The following PHACTR1 variants were observed in gnomAD, a reference collection of about 807,000 sequenced individuals.
PHACTR1 encodes the protein phosphatase and actin regulator 1, also known as RPEL repeat containing 1.
A neutral mutation model predicts 69.2 loss-of-function variants in PHACTR1; 16 were observed. The observed-to-expected ratio is 0.23, with a 90% CI of 0.16 to 0.35. The LOEUF (loss-of-function observed/expected upper bound fraction) is 0.35, where lower values mean the gene tolerates loss of function less well. PHACTR1 is among the 10% of genes least tolerant of loss of function. The probability of loss-of-function intolerance (pLI) is 1.00; values close to 1 mark genes in which losing one functional copy is unlikely to be tolerated. For synonymous variants in PHACTR1, 312 were observed against 284.5 expected (o/e 1.10, Z -0.97); for missense variants, 510 against 734.7 (o/e 0.69, Z 3.54).
chr6:13,073,331 A>ATTTTTTTTTTTTTTTTTTTTTTTTTTTTT (rs10664160), intron 5 of PHACTR1, among the ~76,000 whole-genome samples: 1 of 65,672 alleles, frequency 1.5e-5, no homozygotes, highest in African/African-American at 6.8e-5. Context: ...CATTCCATGA[A>ATTTTTTTTTTTTTTTTTTTTTTTTTTTTT]TTTTTTTTTT....
At chr6:12,873,500 C>A (rs1024565829) in intron 4 of PHACTR1, among the ~76,000 whole-genome samples, 5 of 151,564 alleles carry the variant, frequency 3.3e-5, no homozygotes, top group African/African-American at 1.2e-4. Flanking sequence ...CGTTACTGAG[C>A]CTTTAAGTCC....
intron 4 of PHACTR1, among the ~76,000 whole-genome samples, chr6:12,786,904 G>A (rs1023528840): frequency 6.6e-6 from 1 of 152,180 alleles, no homozygotes; most frequent in Non-Finnish European, 1.5e-5. Flanking sequence ...GAAACAGAGA[G>A]CAGCAAGGAC....
chr6:13,206,238 T>C, intron 8 of PHACTR1, 102 bp downstream of exon 8: 1 of 1,184,598 alleles, frequency 8.4e-7, no homozygotes, highest in Non-Finnish European at 1.2e-6. Context: ...CAAGGGGTCA[T>C]CCCCACTGGG....
At chr6:12,931,696 A>G (rs1788892764) in intron 4 of PHACTR1, among the ~76,000 whole-genome samples, 3 of 151,984 alleles carry the variant, frequency 2.0e-5, no homozygotes, top group Admixed American at 2.0e-4. Context: ...TCACACAAAC[A>G]TTCACATAAG....
At chr6:12,785,724 T>G (rs538392786) in intron 4 of PHACTR1, among the ~76,000 whole-genome samples, 7 of 152,370 alleles carry the variant, frequency 4.6e-5, no homozygotes, top group Non-Finnish European at 1.0e-4. Flanking sequence ...CTAACACATT[T>G]TGTTAGAACA....
intron 5 of PHACTR1, among the ~76,000 whole-genome samples, chr6:13,093,725 T>G (rs1229981710): frequency 3.9e-5 from 6 of 152,356 alleles, no homozygotes; most frequent in Admixed American, 1.3e-4. Context: ...ATTATATTTA[T>G]TCACTTCTGT....
At chr6:12,799,129 A>T (rs1446853604) in intron 4 of PHACTR1, among the ~76,000 whole-genome samples, 1 of 152,226 alleles carries the variant, frequency 6.6e-6, no homozygotes, top group African/African-American at 2.4e-5. Context: ...GAAAATGAAT[A>T]TCTATTTTTT....
chr6:13,143,886 G>A (rs4715124), intron 5 of PHACTR1, among the ~76,000 whole-genome samples: 80,978 of 151,890 alleles, frequency 0.53, 22,098 homozygotes, highest in East Asian at 0.69. Flanking sequence ...TTGGTCCTGT[G>A]AATGCGTAGT....
chr6:12,881,752 A>G (rs994974975), intron 4 of PHACTR1, among the ~76,000 whole-genome samples: 3 of 152,194 alleles, frequency 2.0e-5, no homozygotes, highest in Non-Finnish European at 1.5e-5. Context: ...TCCTAAGTAA[A>G]TGGTACTAAA....
chr6:12,928,491 C>G (rs1788515870), intron 4 of PHACTR1, among the ~76,000 whole-genome samples: 1 of 152,104 alleles, frequency 6.6e-6, no homozygotes, highest in South Asian at 2.1e-4. Context: ...TAATTTCTAC[C>G]TTTTCCTCAA....
chr6:13,125,571 T>C (rs1819407023), intron 5 of PHACTR1, among the ~76,000 whole-genome samples: 1 of 152,226 alleles, frequency 6.6e-6, no homozygotes, highest in South Asian at 2.1e-4. Flanking sequence ...TAAAAATTCA[T>C]AAAAAATTAA....
At chr6:12,793,509 G>C (rs937416252) in intron 4 of PHACTR1, among the ~76,000 whole-genome samples, 3 of 152,140 alleles carry the variant, frequency 2.0e-5, no homozygotes, top group South Asian at 2.1e-4. Flanking sequence ...AGATTTGAAA[G>C]GAAATGCAAA....
At chr6:13,026,328 C>G (rs1801691201) in intron 4 of PHACTR1, among the ~76,000 whole-genome samples, 1 of 152,136 alleles carries the variant, frequency 6.6e-6, no homozygotes, top group Non-Finnish European at 1.5e-5. Context: ...GTTCCAGTAG[C>G]CTCCAAACCA....
chr6:12,956,916 A>C (rs1216500668), intron 4 of PHACTR1, among the ~76,000 whole-genome samples: 1 of 151,798 alleles, frequency 6.6e-6, no homozygotes, highest in East Asian at 1.9e-4. Context: ...ATTCCCACTC[A>C]CTCCTCATGG....
At chr6:13,132,490 A>G (rs1253372711) in intron 5 of PHACTR1, among the ~76,000 whole-genome samples, 2 of 152,202 alleles carry the variant, frequency 1.3e-5, no homozygotes, top group Non-Finnish European at 2.9e-5. Flanking sequence ...CTAAGTGTCT[A>G]TTCACGATGT....
chr6:12,895,177 C>CTTTTTTT (rs139510433), intron 4 of PHACTR1, among the ~76,000 whole-genome samples: 242 of 88,238 alleles, frequency 2.7e-3, no homozygotes, highest in African/African-American at 5.2e-3. Flanking sequence ...TTTCTTTTTT[C>CTTTTTTT]TTTTTTTTTT....
intron 4 of PHACTR1, among the ~76,000 whole-genome samples, chr6:13,021,287 A>G (rs1800941023): frequency 1.3e-5 from 2 of 152,216 alleles, no homozygotes; most frequent in African/African-American, 2.4e-5. Flanking sequence ...GTAGCCATGC[A>G]ATATATGGCT....
chr6:13,094,142 A>G (rs906387683), intron 5 of PHACTR1, among the ~76,000 whole-genome samples: 2 of 152,090 alleles, frequency 1.3e-5, no homozygotes, highest in Admixed American at 1.3e-4. Flanking sequence ...CAGCCTCCCA[A>G]AGTGCTGGGA....
chr6:13,024,474 C>T (rs1234702600), intron 4 of PHACTR1, among the ~76,000 whole-genome samples: 1 of 152,166 alleles, frequency 6.6e-6, no homozygotes, highest in Non-Finnish European at 1.5e-5. Context: ...CATTGCTGAT[C>T]TGCTACATTT....
Sources: gnomAD v4.1 joint callset for allele counts (sites outside exome capture counted in the v4.1 genomes callset) on GRCh38, gnomAD v4.1.1 for gene constraint, MANE v1.5 for transcripts, NCBI Gene and HGNC (gene_info 2026-07-23, HGNC 2026-07-21) for gene names.